The following SPATS2 variants were observed in gnomAD, a reference collection of about 807,000 sequenced individuals.
SPATS2 encodes spermatogenesis associated serine rich 2.
In SPATS2, 38 loss-of-function variants were observed where a neutral mutation model predicts 63.7. The ratio of observed to expected loss-of-function variants is 0.60; its 90% CI spans 0.46 to 0.78. SPATS2 has a LOEUF of 0.78. Ranked by LOEUF, SPATS2 falls within the 30% of genes least tolerant of loss-of-function variation. The pLI, the probability that SPATS2 is intolerant of heterozygous loss-of-function variation, is 0.00. For synonymous variants in SPATS2, 207 were observed against 232.9 expected, an observed-to-expected ratio of 0.89 and a Z score of 1.01; for missense variants, 588 against 666.2, an observed-to-expected ratio of 0.88 and a Z score of 1.29.
intron 4 of SPATS2, 35 bp downstream of exon 4, chr12:49,484,704 G>A (rs1247710116): frequency 6.3e-7 from 1 of 1,597,074 alleles, no homozygotes; most frequent in Non-Finnish European, 8.6e-7. Context: ...AAACTTAAAT[G>A]TCATAGGAAA....
chr12:49,487,686 C>T (rs1054091496), intron 4 of SPATS2, among the ~76,000 whole-genome samples: 10 of 152,274 alleles, frequency 6.6e-5, no homozygotes, highest in Admixed American at 3.3e-4. Flanking sequence ...CAGCCTCAAC[C>T]TCCCAGGCTC....
At chr12:49,407,275 A>G (rs1356102882) in intron 2 of SPATS2, among the ~76,000 whole-genome samples, 1 of 152,076 alleles carries the variant, frequency 6.6e-6, no homozygotes, top group Non-Finnish European at 1.5e-5. Context: ...GTCTTTTCTC[A>G]GCAGACCTCC....
intron 2 of SPATS2, among the ~76,000 whole-genome samples, chr12:49,411,480 C>T (rs1944796134): frequency 1.3e-5 from 2 of 152,050 alleles, no homozygotes; most frequent in South Asian, 4.2e-4. Context: ...TTTGGTCCCC[C>T]CCAAAAAAGA....
intron 3 of SPATS2, among the ~76,000 whole-genome samples, chr12:49,464,886 A>G (rs560338050): frequency 1.6e-4 from 25 of 152,202 alleles, no homozygotes; most frequent in East Asian, 9.6e-4. Flanking sequence ...TTTGTGATCA[A>G]TTCCTGCTCC....
intron 2 of SPATS2, among the ~76,000 whole-genome samples, chr12:49,374,149 G>T (rs1436864262): frequency 6.6e-6 from 1 of 151,062 alleles, no homozygotes; most frequent in Non-Finnish European, 1.5e-5. Flanking sequence ...ATTTTTTTTG[G>T]AAACAGGGTT....
chr12:49,380,630 C>T (rs545160536), intron 2 of SPATS2, among the ~76,000 whole-genome samples: 4 of 151,972 alleles, frequency 2.6e-5, no homozygotes, highest in East Asian at 1.9e-4. Flanking sequence ...CACTTGAACT[C>T]GGGAGGCAGA....
At chr12:49,479,524 C>T (rs567218551) in intron 3 of SPATS2, among the ~76,000 whole-genome samples, 1 of 152,282 alleles carries the variant, frequency 6.6e-6, no homozygotes, top group African/African-American at 2.4e-5. Flanking sequence ...ACAGCTACAG[C>T]TGGGAGATGG....
At chr12:49,516,205 ATAT>A (rs1946848304) in intron 10 of SPATS2, among the ~76,000 whole-genome samples, 2 of 104,546 alleles carry the variant, frequency 1.9e-5, no homozygotes, top group South Asian at 3.6e-4. Flanking sequence ...ATATATATAT[ATAT>A]AAATCAGGCA....
chr12:49,446,079 T>C (rs1395547704), intron 2 of SPATS2, among the ~76,000 whole-genome samples: 1 of 151,706 alleles, frequency 6.6e-6, no homozygotes, highest in Admixed American at 6.6e-5. Context: ...AATTTTTGTA[T>C]TTTTAGTAGA....
At chr12:49,422,834 C>T (rs1945006435) in intron 2 of SPATS2, among the ~76,000 whole-genome samples, 1 of 151,936 alleles carries the variant, frequency 6.6e-6, no homozygotes. Flanking sequence ...ATCGTTTGAG[C>T]CCAGGAGATG....
chr12:49,511,080 A>C (rs143083172), intron 9 of SPATS2, among the ~76,000 whole-genome samples: 6 of 152,236 alleles, frequency 3.9e-5, no homozygotes, highest in African/African-American at 9.6e-5. Flanking sequence ...ACGTGCCCAT[A>C]GTCCCAGCTA....
chr12:49,419,461 A>G lies in SPATS2; in HGVS notation c.-243-41309A>G, dbSNP rs370552176. On this transcript the variant is annotated intron_variant, in intron 2 of 13. Transcript: ENST00000552918. ...GCTTCTTTCCAGAGACTGCCAGTGG[A>G]TTAGTTTGATCCTATGTGAGGAAAA... is the stretch of plus-strand genomic sequence containing the variant. Among the ~76,000 whole-genome samples, 72 of 152,334 alleles carry G rather than the reference A, an allele frequency of 4.7e-4. No homozygotes were observed. In the South Asian group the frequency reaches 0.012, roughly 26 times the overall value.
At chr12:49,456,227 A>G (rs1229892490) in intron 2 of SPATS2, among the ~76,000 whole-genome samples, 1 of 152,176 alleles carries the variant, frequency 6.6e-6, no homozygotes, top group African/African-American at 2.4e-5. Context: ...CACTGTTCTT[A>G]CCATAGGTTC....
In SPATS2 at chr12:49,435,070, G is replaced by A. The variant is rs550830764; in HGVS notation, c.-243-25700G>A. ...GAGATGGAGTCTTGCTCTGTCTGTC[G>A]CCCAGGTTGGAGTGCAGTGGCGCAA... On this transcript the variant is annotated intron_variant, in intron 2 of 13. Transcript: ENST00000552918. Among the ~76,000 whole-genome samples the A allele has an allele frequency of 3.3e-3, 417 of 126,446 alleles. 2 individuals carry two copies. The highest frequency in any genetic ancestry group is 0.013 in the Middle Eastern group (2 of 156). 83.0% of individuals were successfully genotyped at this position (126,446 alleles called of 152,430 possible).
chr12:49,393,456 C>CT (rs35670214), intron 2 of SPATS2, among the ~76,000 whole-genome samples: 16 of 152,148 alleles, frequency 1.1e-4, no homozygotes, highest in African/African-American at 3.6e-4. Context: ...ATAAAGAAGA[C>CT]TTTTTCCTTC....
chr12:49,442,771 G>T (rs1375167785), intron 2 of SPATS2: 1 of 102,346 alleles, frequency 9.8e-6, no homozygotes, highest in African/African-American at 3.4e-5. Flanking sequence ...GCAACAGAGA[G>T]AGACCATGTC....
chr12:49,486,240 T>G (rs1946290814), intron 4 of SPATS2: 5 of 453,258 alleles, frequency 1.1e-5, no homozygotes, highest in South Asian at 7.8e-5. Context: ...AATTTCACTC[T>G]GTCGTCCAGG....
intron 2 of SPATS2, among the ~76,000 whole-genome samples, chr12:49,433,745 G>A (rs537889419): frequency 9.9e-5 from 15 of 152,018 alleles, no homozygotes; most frequent in South Asian, 6.2e-4. Context: ...CATTTCATTG[G>A]TTGCCTTTTT....
intron 6 of SPATS2, among the ~76,000 whole-genome samples, chr12:49,493,276 G>A (rs555157439): frequency 3.4e-4 from 51 of 152,184 alleles, no homozygotes; most frequent in African/African-American, 4.6e-4. Flanking sequence ...GTGGAGCTAC[G>A]AGTTTGACAA....
Sources: allele counts gnomAD v4.1 joint callset (sites outside exome capture counted in the v4.1 genomes callset), GRCh38; gene constraint gnomAD v4.1.1; transcripts MANE v1.5; gene names NCBI Gene and HGNC (gene_info 2026-07-23, HGNC 2026-07-21).